Variants in NRXN1 observed in about 807,000 individuals in gnomAD.
The protein encoded by NRXN1 is neurexin-1.
Under a neutral mutation model 150.9 loss-of-function variants are expected in NRXN1, and 39 were observed. The ratio of observed to expected loss-of-function variants is 0.26; its 90% CI spans 0.20 to 0.34. The LOEUF (loss-of-function observed/expected upper bound fraction) is 0.34. Among genes scored for constraint, NRXN1 ranks in the 10% least tolerant of loss-of-function variants. The pLI is 1.00. For synonymous variants in NRXN1, 924 were observed against 757.0 expected, an observed-to-expected ratio of 1.22 and a Z score of -3.62; for missense variants, 1,815 against 1,949.9, an observed-to-expected ratio of 0.93 and a Z score of 1.30.
chr2:50,207,315 C>T (rs1162082301), intron 18 of NRXN1, among the ~76,000 whole-genome samples: 1 of 151,988 alleles, frequency 6.6e-6, no homozygotes, highest in Non-Finnish European at 1.5e-5. Flanking sequence ...TCATATTTAC[C>T]TACCTTGTCA....
At chr2:50,379,308 A>G (rs887945144) in intron 17 of NRXN1, among the ~76,000 whole-genome samples, 8 of 152,140 alleles carry the variant, frequency 5.3e-5, no homozygotes, top group Non-Finnish European at 1.0e-4. Context: ...TGACACACAT[A>G]TATTTTCCTA....
chr2:50,204,206 C>T (rs1042889673), intron 18 of NRXN1, among the ~76,000 whole-genome samples: 2 of 152,000 alleles, frequency 1.3e-5, no homozygotes, highest in Admixed American at 6.6e-5. Flanking sequence ...GATAATACAA[C>T]TAGGTGAAGT....
At chr2:50,360,834 T>G (rs2079138345) in intron 17 of NRXN1, among the ~76,000 whole-genome samples, 1 of 152,146 alleles carries the variant, frequency 6.6e-6, no homozygotes, top group Admixed American at 6.6e-5. Flanking sequence ...CACATTGCCC[T>G]TATTCTAAAA....
At chr2:50,640,731 A>C (rs142242008) in intron 5 of NRXN1, among the ~76,000 whole-genome samples, 1 of 152,342 alleles carries the variant, frequency 6.6e-6, no homozygotes, top group East Asian at 1.9e-4. Flanking sequence ...AGACAATCAC[A>C]TTTGCCCAGA....
Position 50,314,942 on chromosome 2 carries a change from C to T in NRXN1, c.3365-77972G>A, listed in dbSNP as rs554281935. On this transcript the variant is annotated intron_variant, in intron 17 of 22. Coordinates refer to ENST00000401669, the MANE Select transcript of NRXN1 (RefSeq NM_001330078.2). The stretch of plus-strand genomic sequence containing the variant: ...GATCTCAACATCTTTTCCCAACTTA[C>T]CCAGCTTTGGATTTTTTTTTCTGGT... Among the ~76,000 whole-genome samples, 16 of 151,946 alleles carry T rather than the reference C, an allele frequency of 1.1e-4. No individual in the cohort carries two copies. In the South Asian group the frequency reaches 1.2e-3, roughly 12 times the overall value.
At chr2:50,756,470 T>C (rs1236804247) in intron 5 of NRXN1, among the ~76,000 whole-genome samples, 1 of 151,752 alleles carries the variant, frequency 6.6e-6, no homozygotes, top group Non-Finnish European at 1.5e-5. Context: ...ACTTTCAATA[T>C]TATATTAAGA....
At chr2:50,905,362 A>T (rs1683521337) in intron 5 of NRXN1, among the ~76,000 whole-genome samples, 1 of 152,148 alleles carries the variant, frequency 6.6e-6, no homozygotes, top group Non-Finnish European at 1.5e-5. Flanking sequence ...ACCTGGTAAG[A>T]CACATAAATG....
chr2:50,311,441 C>T (rs967035074), intron 17 of NRXN1, among the ~76,000 whole-genome samples: 1 of 152,084 alleles, frequency 6.6e-6, no homozygotes, highest in African/African-American at 2.4e-5. Flanking sequence ...TTTTAGTTAT[C>T]TAAGGTTTCT....
At chr2:50,233,698 T>C (rs1056440283) in intron 18 of NRXN1, among the ~76,000 whole-genome samples, 3 of 152,126 alleles carry the variant, frequency 2.0e-5, no homozygotes, top group African/African-American at 7.2e-5. Context: ...GTCTAACTTT[T>C]ACAGATAAAA....
At chr2:51,020,356 G>A (rs1669412217) in intron 2 of NRXN1, among the ~76,000 whole-genome samples, 1 of 151,726 alleles carries the variant, frequency 6.6e-6, no homozygotes, top group Non-Finnish European at 1.5e-5. Flanking sequence ...CGGAATAAGG[G>A]AAACAATGTC....
At chr2:50,301,129 C>G (rs1046255200) in intron 17 of NRXN1, among the ~76,000 whole-genome samples, 1 of 152,182 alleles carries the variant, frequency 6.6e-6, no homozygotes, top group Non-Finnish European at 1.5e-5. Context: ...TATTCAGACT[C>G]TACATGAGAA....
intron 2 of NRXN1, among the ~76,000 whole-genome samples, chr2:50,947,868 T>G (rs1161059033): frequency 1.3e-5 from 2 of 151,980 alleles, no homozygotes; most frequent in Non-Finnish European, 2.9e-5. Context: ...AAACTTGTTT[T>G]CTCATCACGC....
intron 8 of NRXN1, among the ~76,000 whole-genome samples, chr2:50,600,326 T>A (rs1428248621): frequency 1.4e-5 from 2 of 146,918 alleles, no homozygotes; most frequent in Non-Finnish European, 3.0e-5. Context: ...ACTAGCTTTT[T>A]TTTTTTTTTT....
chr2:50,299,209 G>C (rs920067636), intron 17 of NRXN1, among the ~76,000 whole-genome samples: 1 of 152,042 alleles, frequency 6.6e-6, no homozygotes, highest in Non-Finnish European at 1.5e-5. Context: ...TTCCAAAGTA[G>C]GAAAGCTATA....
chr2:51,002,039 T>A (rs1011170903), intron 2 of NRXN1, among the ~76,000 whole-genome samples: 6 of 151,992 alleles, frequency 3.9e-5, no homozygotes, highest in Non-Finnish European at 8.8e-5. Flanking sequence ...TCATACCAAA[T>A]TTGTCCATTC....
At chr2:50,549,044 C>G (rs1167632273) in intron 9 of NRXN1, among the ~76,000 whole-genome samples, 1 of 152,036 alleles carries the variant, frequency 6.6e-6, no homozygotes, top group Non-Finnish European at 1.5e-5. Context: ...ACACTTTCTC[C>G]ACATTATATG....
intron 15 of NRXN1, among the ~76,000 whole-genome samples, chr2:50,492,488 C>T (rs535450165): frequency 1.2e-4 from 18 of 152,262 alleles, no homozygotes; most frequent in Admixed American, 2.6e-4. Flanking sequence ...CACTAAAGTC[C>T]TGTTCCTATA....
At chr2:50,063,712 T>C (rs1558798405) in intron 19 of NRXN1, among the ~76,000 whole-genome samples, 1 of 152,152 alleles carries the variant, frequency 6.6e-6, no homozygotes, top group South Asian at 2.1e-4. Context: ...CACTATGCAT[T>C]CTTAAAATAC....
At chr2:50,926,092 A>AG in intron 2 of NRXN1, 137 bp from the exon 3 acceptor site, 2 of 712,938 alleles carry the variant, frequency 2.8e-6, no homozygotes, top group Non-Finnish European at 5.1e-6. Context: ...CTATCATTCA[A>AG]GGGGGAAAAC....
Sources: gnomAD v4.1 joint callset for allele counts (sites outside exome capture counted in the v4.1 genomes callset) on GRCh38, gnomAD v4.1.1 for gene constraint, MANE v1.5 for transcripts, NCBI Gene and HGNC (gene_info 2026-07-23, HGNC 2026-07-21) for gene names.